Variants in HMCN2 observed in about 807,000 individuals in gnomAD.
The protein encoded by HMCN2 is hemicentin 2.
In HMCN2, 325 loss-of-function variants were observed where a neutral mutation model predicts 377.5. The ratio of observed to expected loss-of-function variants is 0.86; its 90% CI spans 0.79 to 0.94. HMCN2 has a LOEUF of 0.94. HMCN2 is among the 40% of genes least tolerant of loss of function. The probability of loss-of-function intolerance (pLI) is 0.00; values close to 1 mark genes in which losing one functional copy is unlikely to be tolerated. For synonymous variants in HMCN2, 2,007 were observed against 2,046.8 expected, an observed-to-expected ratio of 0.98 and a Z score of 0.53; for missense variants, 4,543 against 4,725.3, an observed-to-expected ratio of 0.96 and a Z score of 1.13.
intron 85 of HMCN2, among the ~76,000 whole-genome samples, chr9:130,412,474 A>G (rs1039448896): frequency 1.3e-5 from 2 of 151,338 alleles, no homozygotes; most frequent in African/African-American, 2.4e-5. Context: ...TCCATTGTGT[A>G]TTTTTTGAAT....
intron 95 of HMCN2, chr9:130,431,020 G>T: frequency 2.4e-6 from 1 of 423,296 alleles, no homozygotes; most frequent in Non-Finnish European, 4.3e-6. Flanking sequence ...AGGGGGGTGG[G>T]GGTGGGGGAT....
Position 130,369,621 on chromosome 9 carries a change from T to C in HMCN2, c.6839T>C (p.Val2280Ala). 1.0e-6 allele frequency: 1 copy of C among 985,782 alleles called. No homozygotes were observed. Among genetic ancestry groups the C allele is most frequent in the Non-Finnish European group, 1.2e-6 (1 of 829,934 alleles). The allele number at this position is 985,782 out of a possible 1,614,324, so 61.1% of individuals were successfully genotyped here. ...PREPPTQVSVVQDGVATLECN... is the reference protein window; with the variant it reads ...PREPPTQVSVAQDGVATLECN... The stretch of plus-strand genomic sequence containing the variant: ...GAGCCTCCCACACAAGTCTCTGTGG[T>C]CCAGGATGGAGTGGCCACTCTGGAG... The change falls in exon 45 of 98, where the codon GTC becomes GCC. Residue 2280 changes from valine to alanine, a missense_variant. Val to Ala is a moderately conservative substitution (Grantham distance 64). This residue lies in a region of HMCN2 where 1,032 missense variants were observed against 1,285.1 expected (regional missense o/e 0.80). Coordinates refer to ENST00000683500, the MANE Select transcript of HMCN2 (RefSeq NM_001291815.2). This position sits in a 1 kb window ranked among gnomAD's most constrained non-coding sequence, Gnocchi z 4.5.
chr9:130,425,910 C>T lies in HMCN2; in HGVS notation c.13865C>T (p.Thr4622Ile). 3 of 1,548,306 alleles carry T rather than the reference C, an allele frequency of 1.9e-6. No homozygotes were observed. The highest frequency in any genetic ancestry group is 2.4e-5 in the East Asian group (1 of 40,898). Residue 4622 changes from threonine (T) to isoleucine (I), a missense_variant, in exon 90 of 98, where the codon ACA (threonine) becomes ATA (isoleucine). Thr to Ile is a moderately conservative substitution (Grantham distance 89). Transcript: ENST00000683500. ...EAEALRFQLA[T>I]ALQAEENEVG... The stretch of plus-strand genomic sequence containing the variant: ...GAGGCCCTGCGCTTCCAGCTCGCTA[C>T]AGCCCTGCAGGCGGGTGAGGCCCCT...
intron 29 of HMCN2, among the ~76,000 whole-genome samples, chr9:130,350,303 A>C (rs1165323644): frequency 7.0e-6 from 1 of 143,620 alleles, no homozygotes; most frequent in African/African-American, 2.6e-5. Flanking sequence ...TTGGGAGGCC[A>C]AGGCGGCCAG....
chr9:130,425,978 G>A (rs1355521299), intron 90 of HMCN2, 54 bp downstream of exon 90: 1 of 1,364,216 alleles, frequency 7.3e-7, no homozygotes, highest in East Asian at 2.5e-5. Flanking sequence ...AACCTGCCAG[G>A]GGGCCCAAAT....
At chr9:130,276,073 G>C (rs1834676735) in intron 1 of HMCN2, among the ~76,000 whole-genome samples, 1 of 146,580 alleles carries the variant, frequency 6.8e-6, no homozygotes, top group Non-Finnish European at 1.5e-5. Flanking sequence ...CCAGAAAGGT[G>C]AGGAAGCCAT....
rs1257815012 is a variant in HMCN2, at chr9:130,357,901, C to G, written c.5493C>G (p.Leu1831=). Residue 1831 remains leucine (L), a synonymous_variant, in exon 35 of 98, where the codon CTC becomes CTG. Transcript: ENST00000683500. ...ITAPFLQPVT[L]QCIGDGVPTP... ...CTCCTTTCCTGCAGCCTGTGACCCTCCAGTGCATAGGGGATGGGGTGCCCA... is the reference window on the plus strand; with the variant it reads ...CTCCTTTCCTGCAGCCTGTGACCCTGCAGTGCATAGGGGATGGGGTGCCCA... The G allele has an allele frequency of 7.7e-7, 1 of 1,304,178 alleles. No individual in the cohort carries two copies. The highest frequency in any genetic ancestry group is 2.3e-5 in the Admixed American group (1 of 43,574). The allele number at this position is 1,304,178 out of a possible 1,614,324, so 80.8% of individuals were successfully genotyped here.
At chr9:130,406,449 C>T in intron 82 of HMCN2, 1 of 315,450 alleles carries the variant, frequency 3.2e-6, no homozygotes, top group African/African-American at 2.2e-5. Flanking sequence ...TAGTCCAGAG[C>T]TGCTGCTCCC....
At chr9:130,376,884 C>T (rs1264109581) in intron 52 of HMCN2, among the ~76,000 whole-genome samples, 2 of 152,044 alleles carry the variant, frequency 1.3e-5, no homozygotes, top group African/African-American at 4.8e-5. Flanking sequence ...GCAACCTCTG[C>T]CTCCTGGGTT....
rs1554937746 is a variant in HMCN2 at position 130,308,648 on chromosome 9, G to A, written c.2200+1082G>A. Among the ~76,000 whole-genome samples, 1 of 152,184 alleles carries A rather than the reference G, an allele frequency of 6.6e-6. No homozygotes were observed. Among genetic ancestry groups the A allele is most frequent in the Non-Finnish European group, 1.5e-5 (1 of 68,028 alleles). ...TTTTTAGGGTCACCAGCAAGTGGGT[G>A]GCACAGGCTTCTGGACTCCTTCCTC... On this transcript the variant is annotated intron_variant, in intron 14 of 97. Coordinates refer to ENST00000683500, the MANE Select transcript of HMCN2 (RefSeq NM_001291815.2). The surrounding 1 kb of genome is among the most constrained non-coding windows in gnomAD (Gnocchi z 4.1).
chr9:130,400,965 A>T lies in HMCN2; in HGVS notation c.11770+18A>T. 1 of 1,278,826 alleles carries T rather than the reference A, an allele frequency of 7.8e-7. No homozygotes were observed. The allele number at this position is 1,278,826 out of a possible 1,614,324, so 79.2% of individuals were successfully genotyped here. On this transcript the variant is annotated intron_variant, in intron 77 of 97. Coordinates refer to ENST00000683500, the MANE Select transcript of HMCN2 (RefSeq NM_001291815.2). ...ACCATCGGGTAAGTAAGGGTAAGCCACAGAGAGAGGCAGCTGAGGGGAGAC... is the reference window on the plus strand; with the variant it reads ...ACCATCGGGTAAGTAAGGGTAAGCCTCAGAGAGAGGCAGCTGAGGGGAGAC...
chr9:130,401,989 AT>A (rs1216571489), intron 77 of HMCN2, among the ~76,000 whole-genome samples: 1 of 152,024 alleles, frequency 6.6e-6, no homozygotes, highest in African/African-American at 2.4e-5. Flanking sequence ...AGGTGGGAGG[AT>A]TGCTTGAGTG....
At chr9:130,363,952 GAAA>G (rs561624487) in intron 40 of HMCN2, among the ~76,000 whole-genome samples, 2 of 146,534 alleles carry the variant, frequency 1.4e-5, no homozygotes, top group South Asian at 2.2e-4. Context: ...GAAAGAGAAA[GAAA>G]AAAAGAGAAG....
At chr9:130,430,149 G>A (rs946450801) in intron 94 of HMCN2, 135 bp from the exon 95 acceptor site, 12 of 734,784 alleles carry the variant, frequency 1.6e-5, no homozygotes, top group South Asian at 5.6e-5. Context: ...GGGATGCAGC[G>A]TGGCTCACAT....
intron 85 of HMCN2, 147 bp downstream of exon 85, chr9:130,410,799 A>C: frequency 1.4e-6 from 1 of 740,096 alleles, no homozygotes; most frequent in Non-Finnish European, 2.3e-6. Context: ...ATCCTACCAA[A>C]TGTTTCCCAA....
chr9:130,350,416 G>C (rs1839646345), intron 29 of HMCN2, among the ~76,000 whole-genome samples: 1 of 144,368 alleles, frequency 6.9e-6, no homozygotes, highest in African/African-American at 2.5e-5. Context: ...AAATAGCCAG[G>C]CATGGTGGCA....
intron 24 of HMCN2, among the ~76,000 whole-genome samples, chr9:130,341,785 T>C (rs926177327): frequency 6.6e-6 from 1 of 152,022 alleles, no homozygotes; most frequent in Admixed American, 6.5e-5. Context: ...GTGGGTCCAA[T>C]AGTATGTGGG....
chr9:130,318,381 C>T (rs2131392495), intron 15 of HMCN2, among the ~76,000 whole-genome samples: 1 of 151,778 alleles, frequency 6.6e-6, no homozygotes, highest in Admixed American at 6.5e-5. Flanking sequence ...GCTGCAGGGG[C>T]CTGGGACAAG....
chr9:130,384,325 C>G (rs1255028281), intron 57 of HMCN2, 48 bp from the exon 58 acceptor site: 1 of 1,256,116 alleles, frequency 8.0e-7, no homozygotes, highest in Non-Finnish European at 1.0e-6. Flanking sequence ...TGCTCCCCTG[C>G]TGGTGTGATT....
Sources: allele counts gnomAD v4.1 joint callset (sites outside exome capture counted in the v4.1 genomes callset), GRCh38; gene constraint gnomAD v4.1.1; regional missense constraint gnomAD v4.1.1; non-coding constraint Gnocchi (gnomAD v3.1); transcripts MANE v1.5; gene names NCBI Gene and HGNC (gene_info 2026-07-23, HGNC 2026-07-21).